Variants in ABCA13 observed in about 807,000 individuals in gnomAD.
ABCA13 encodes ATP-binding cassette sub-family A member 13.
In ABCA13, 476 loss-of-function variants were observed where a neutral mutation model predicts 478.7. The ratio of observed to expected loss-of-function variants is 0.99; its 90% CI spans 0.92 to 1.07. The LOEUF is 1.07. ABCA13 is among the 50% of genes least tolerant of loss of function. The pLI is 0.00. For missense variants in ABCA13, 6,060 were observed against 5,910.6 expected (o/e 1.03, Z -0.83); for synonymous variants, 2,252 against 2,158.9 (o/e 1.04, Z -1.20).
chr7:48,387,591 G>A (rs948491272), intron 35 of ABCA13, among the ~76,000 whole-genome samples: 5 of 152,208 alleles, frequency 3.3e-5, no homozygotes, highest in Non-Finnish European at 7.3e-5. Context: ...CTTGGGGGAA[G>A]TGGCTGAGAG....
chr7:48,461,197 A>G (rs1467538318), intron 43 of ABCA13, among the ~76,000 whole-genome samples: 2 of 152,192 alleles, frequency 1.3e-5, no homozygotes, highest in Non-Finnish European at 1.5e-5. Flanking sequence ...GATGTAGCAC[A>G]CTCACCAGCA....
chr7:48,505,017 G>T (rs558768261), intron 48 of ABCA13, among the ~76,000 whole-genome samples: 3 of 152,162 alleles, frequency 2.0e-5, no homozygotes, highest in Non-Finnish European at 4.4e-5. Context: ...GATGAATGTG[G>T]TAAGTCCAGG....
chr7:48,372,291 G>A lies in ABCA13; in HGVS notation c.10927G>A (p.Ala3643Thr), dbSNP rs1021208337. ...CGTTCTGAAAACAAGTGGCATCTTTGCACACAGCAATACCTTTATTGTTTT... is the reference window on the plus strand; with the variant it reads ...CGTTCTGAAAACAAGTGGCATCTTTACACACAGCAATACCTTTATTGTTTT... ...AIVLKTSGIF[A>T]HSNTFIVFLF... Residue 3643 changes from alanine to threonine, a missense_variant, in exon 33 of 62, where the codon GCA becomes ACA. This residue lies in a region of ABCA13 where 4,423 missense variants were observed against 4,309.1 expected (regional missense o/e 1.03). Coordinates refer to ENST00000435803, the MANE Select transcript of ABCA13 (RefSeq NM_152701.5). 1 of 1,613,872 alleles carries A rather than the reference G, an allele frequency of 6.2e-7. No individual in the cohort carries two copies. Among genetic ancestry groups the A allele is most frequent in the South Asian group, 1.1e-5 (1 of 91,086 alleles).
At chr7:48,201,562 AT>A (rs1012884256) in intron 3 of ABCA13, among the ~76,000 whole-genome samples, 8 of 152,032 alleles carry the variant, frequency 5.3e-5, no homozygotes, top group Admixed American at 5.2e-4. Flanking sequence ...TCTACTATAA[AT>A]CCAAAAATTA....
intron 57 of ABCA13, among the ~76,000 whole-genome samples, chr7:48,592,970 A>G (rs957521660): frequency 6.6e-6 from 1 of 152,096 alleles, no homozygotes; most frequent in Admixed American, 6.5e-5. Context: ...AAAAAACTGT[A>G]CTAAGTCTCT....
chr7:48,290,237 T>G (rs1341644910), intron 20 of ABCA13, among the ~76,000 whole-genome samples: 2 of 152,208 alleles, frequency 1.3e-5, no homozygotes, highest in Non-Finnish European at 2.9e-5. Flanking sequence ...CTGTATTTCC[T>G]GGGCTAAGCT....
rs188119463 is a variant in ABCA13 at position 48,359,060 on chromosome 7, G to A, written c.10688+6573G>A. ...TCGCAGGACCTTGGGCCAGTTTTGCGCCAGCTTTGGGTGTCGGTCTCCTCA... is the reference window on the plus strand; with the variant it reads ...TCGCAGGACCTTGGGCCAGTTTTGCACCAGCTTTGGGTGTCGGTCTCCTCA... On this transcript the variant is annotated intron_variant, in intron 31 of 61. Transcript: ENST00000435803. 3.9e-5 allele frequency among the ~76,000 whole-genome samples: 6 copies of A among 152,060 alleles called. No homozygotes were observed. In the East Asian group the frequency reaches 9.7e-4, roughly 25 times the overall value.
intron 59 of ABCA13, among the ~76,000 whole-genome samples, chr7:48,619,916 T>A (rs886898433): frequency 6.6e-6 from 1 of 152,126 alleles, no homozygotes; most frequent in Middle Eastern, 3.2e-3. Flanking sequence ...CACCCCTCCA[T>A]AACAGGCAAG....
intron 45 of ABCA13, among the ~76,000 whole-genome samples, chr7:48,474,861 G>A (rs1827906759): frequency 6.6e-6 from 1 of 152,148 alleles, no homozygotes; most frequent in Non-Finnish European, 1.5e-5. Context: ...ATTAGAGTGG[G>A]TAAATATCAG....
At chr7:48,268,255 C>G (rs1795126124) in intron 15 of ABCA13, among the ~76,000 whole-genome samples, 1 of 152,112 alleles carries the variant, frequency 6.6e-6, no homozygotes, top group Admixed American at 6.5e-5. Context: ...CTCCCGGGTT[C>G]AAACAATTCT....
chr7:48,578,219 A>C (rs1470076198), intron 55 of ABCA13, among the ~76,000 whole-genome samples: 1 of 152,172 alleles, frequency 6.6e-6, no homozygotes, highest in African/African-American at 2.4e-5. Flanking sequence ...AGTCCTACGT[A>C]ATGCAATAAG....
intron 59 of ABCA13, among the ~76,000 whole-genome samples, chr7:48,617,570 A>C (rs1010920593): frequency 1.3e-5 from 2 of 151,908 alleles, no homozygotes; most frequent in Non-Finnish European, 2.9e-5. Context: ...CAGAGGGGGG[A>C]CCCAGAGGGC....
chr7:48,456,318 A>T (rs1367123886), intron 43 of ABCA13, among the ~76,000 whole-genome samples: 1 of 152,246 alleles, frequency 6.6e-6, no homozygotes, highest in African/African-American at 2.4e-5. Flanking sequence ...TTGGAATTAG[A>T]TTTAAACAAA....
At chr7:48,393,900 G>T (rs13247602) in intron 38 of ABCA13, among the ~76,000 whole-genome samples, 6 of 152,146 alleles carry the variant, frequency 3.9e-5, no homozygotes, top group African/African-American at 1.4e-4. Context: ...CCTCTGTAGA[G>T]ATGCCAGGGC....
intron 55 of ABCA13, among the ~76,000 whole-genome samples, chr7:48,536,338 C>A (rs1388873226): frequency 6.6e-6 from 1 of 152,036 alleles, no homozygotes; most frequent in Non-Finnish European, 1.5e-5. Context: ...AAAGTTCTTA[C>A]AAGAATATTT....
At chr7:48,313,971 GTGTGTGTGTGTA>G (rs1456708275) in intron 25 of ABCA13, among the ~76,000 whole-genome samples, 1 of 128,986 alleles carries the variant, frequency 7.8e-6, no homozygotes, top group Admixed American at 7.6e-5. Context: ...AAGGACTTAT[GTGTGTGTGTGTA>G]TGTGTGTGTG....
chr7:48,476,912 G>A (rs534393458), intron 45 of ABCA13, among the ~76,000 whole-genome samples: 24 of 152,240 alleles, frequency 1.6e-4, no homozygotes, highest in Non-Finnish European at 2.5e-4. Flanking sequence ...CTTGAAACTC[G>A]GAGGGGAAAG....
intron 23 of ABCA13, among the ~76,000 whole-genome samples, chr7:48,305,351 T>C (rs1426016987): frequency 6.6e-6 from 1 of 152,228 alleles, no homozygotes; most frequent in Non-Finnish European, 1.5e-5. Flanking sequence ...CCGATGCTCA[T>C]CTCTTGTACT....
Position 48,273,930 on chromosome 7 carries a change from G to T in ABCA13, c.4264G>T (p.Gly1422Trp). 6.2e-7 allele frequency: 1 copy of T among 1,612,450 alleles called. No individual in the cohort carries two copies. Among genetic ancestry groups the T allele is most frequent in the South Asian group, 1.1e-5 (1 of 90,968 alleles). ...FSQGHLQNIL[G>W]NFRDIENKMN... ...ACAAGGTCATCTTCAAAATATTTTGGGGAATTTCAGAGATATAGAAAACAA... is the reference window on the plus strand; with the variant it reads ...ACAAGGTCATCTTCAAAATATTTTGTGGAATTTCAGAGATATAGAAAACAA... The change falls in exon 17 of 62, where the codon GGG becomes TGG. Residue 1422 changes from glycine to tryptophan, a missense_variant. Transcript: ENST00000435803.
Sources: gnomAD v4.1 joint callset for allele counts (sites outside exome capture counted in the v4.1 genomes callset) on GRCh38, gnomAD v4.1.1 for gene constraint, gnomAD v4.1.1 regional missense constraint, MANE v1.5 for transcripts, NCBI Gene and HGNC (gene_info 2026-07-23, HGNC 2026-07-21) for gene names.